RBFOX1: variants seen among roughly 807,000 people sequenced by gnomAD.
RBFOX1 encodes RNA binding protein fox-1 homolog 1.
A neutral mutation model predicts 57.7 loss-of-function variants in RBFOX1; 8 were observed. The ratio of observed to expected loss-of-function variants is 0.14; its 90% confidence interval spans 0.08 to 0.25. The LOEUF (loss-of-function observed/expected upper bound fraction) is 0.25, where lower values mean the gene tolerates loss of function less well. RBFOX1 is among the 10% of genes least tolerant of loss of function. RBFOX1 has a pLI of 1.00. For synonymous variants in RBFOX1, 326 were observed against 222.4 expected, an observed-to-expected ratio of 1.47 and a Z score of -4.15; for missense variants, 611 against 548.5, an observed-to-expected ratio of 1.11 and a Z score of -1.14.
chr16:5,455,377 C>A (rs909039287), intron 1 of RBFOX1, among the ~76,000 whole-genome samples: 6 of 152,068 alleles, frequency 3.9e-5, no homozygotes, highest in Non-Finnish European at 8.8e-5. Flanking sequence ...CGCCTAGTAT[C>A]ACTTATGCCA....
intron 4 of RBFOX1, among the ~76,000 whole-genome samples, chr16:7,467,676 A>G (rs2060775480): frequency 6.6e-6 from 1 of 152,206 alleles, no homozygotes; most frequent in South Asian, 2.1e-4. Context: ...ATAAGATTGT[A>G]TACCTACAGA....
At chr16:7,385,470 A>C (rs1378220748) in intron 4 of RBFOX1, among the ~76,000 whole-genome samples, 1 of 152,216 alleles carries the variant, frequency 6.6e-6, no homozygotes. Flanking sequence ...GGCTTGGGTG[A>C]ATGGTGCCAT....
rs986320384 is a variant in RBFOX1 at position 5,929,405 on chromosome 16, T to G, written c.351+62070T>G. ...AGAATCATGGTTCTGGAAAGAGAAT[T>G]GGGTTCAAATTCTAGCTATGTGACG... is the stretch of plus-strand genomic sequence containing the variant. On this transcript the variant is annotated intron_variant, in intron 4 of 19. Coordinates refer to the RBFOX1 transcript ENST00000641259. 4.6e-5 allele frequency among the ~76,000 whole-genome samples: 7 copies of G among 152,100 alleles called. No individual in the cohort carries two copies. In the South Asian group the frequency reaches 6.2e-4, roughly 14 times the overall value.
chr16:6,730,998 A>T (rs191237676), intron 3 of RBFOX1, among the ~76,000 whole-genome samples: 102 of 152,292 alleles, frequency 6.7e-4, no homozygotes, highest in African/African-American at 2.2e-3. Flanking sequence ...AGTATCATTG[A>T]TGTCAGAGAT....
At chr16:5,336,046 C>T (rs530999068) in intron 1 of RBFOX1, among the ~76,000 whole-genome samples, 1 of 152,120 alleles carries the variant, frequency 6.6e-6, no homozygotes, top group African/African-American at 2.4e-5. Flanking sequence ...GTGACTTCCT[C>T]AAGGTACCAT....
intron 4 of RBFOX1, among the ~76,000 whole-genome samples, chr16:7,146,241 A>C (rs1290631613): frequency 6.6e-6 from 1 of 152,164 alleles, no homozygotes; most frequent in Non-Finnish European, 1.5e-5. Flanking sequence ...CATATGCAGG[A>C]ACAGCAGATG....
chr16:6,224,974 G>C (rs113752785), intron 1 of RBFOX1, among the ~76,000 whole-genome samples: 28,176 of 143,516 alleles, frequency 0.2, 2,887 homozygotes, highest in Middle Eastern at 0.35. Flanking sequence ...AGCCAAGATT[G>C]TGCCATTACA....
intron 3 of RBFOX1, among the ~76,000 whole-genome samples, chr16:6,851,952 AT>A (rs2094093733): frequency 7.1e-6 from 1 of 141,162 alleles, no homozygotes; most frequent in East Asian, 2.1e-4. Context: ...TTTTTTTGAG[AT>A]GGAGGTTCGT....
rs140812190 is a variant in RBFOX1 at position 5,975,253 on chromosome 16, C to T, written c.351+107918C>T. On this transcript the variant is annotated intron_variant, in intron 4 of 19. Coordinates refer to the RBFOX1 transcript ENST00000641259. ...ATCGATCTCTACTTTCTAACTGCAT[C>T]GCTATCCTGCACGGGATCTGCCTCA... Among the ~76,000 whole-genome samples, 59 of 152,298 alleles carry T rather than the reference C, an allele frequency of 3.9e-4. No individual in the cohort carries two copies. The East Asian group carries it at 9.1e-3, about 23-fold the overall frequency.
At chr16:5,276,152 A>G (rs971610579) in intron 1 of RBFOX1, among the ~76,000 whole-genome samples, 3 of 152,266 alleles carry the variant, frequency 2.0e-5, no homozygotes, top group Non-Finnish European at 4.4e-5. Flanking sequence ...AGAACCCAAA[A>G]GCAAGTGCAA....
At chr16:7,380,834 G>T (rs535385430) in intron 4 of RBFOX1, among the ~76,000 whole-genome samples, 3 of 152,304 alleles carry the variant, frequency 2.0e-5, no homozygotes, top group East Asian at 3.9e-4. Context: ...AGAAGCAGGG[G>T]TCTTCTCCCT....
intron 2 of RBFOX1, among the ~76,000 whole-genome samples, chr16:6,549,075 CA>C (rs1364883967): frequency 8.2e-6 from 1 of 121,890 alleles, no homozygotes; most frequent in African/African-American, 3.1e-5. Flanking sequence ...ACTCTGTCCC[CA>C]AAAAAGGGAG....
intron 3 of RBFOX1, among the ~76,000 whole-genome samples, chr16:6,767,276 G>C (rs182672825): frequency 1.1e-3 from 160 of 152,088 alleles, no homozygotes; most frequent in African/African-American, 3.7e-3. Flanking sequence ...TCTCCAAGGA[G>C]ACTCAGTCTC....
At chr16:6,520,640 A>C (rs563230191) in intron 2 of RBFOX1, among the ~76,000 whole-genome samples, 1 of 152,180 alleles carries the variant, frequency 6.6e-6, no homozygotes, top group African/African-American at 2.4e-5. Flanking sequence ...GCTGAAGACT[A>C]TCTTTGAAAA....
chr16:6,970,257 T>A (rs193241761), intron 3 of RBFOX1, among the ~76,000 whole-genome samples: 13 of 152,206 alleles, frequency 8.5e-5, no homozygotes, highest in Admixed American at 4.6e-4. Context: ...CTTAACAGAA[T>A]AAGAAGGCAG....
intron 3 of RBFOX1, among the ~76,000 whole-genome samples, chr16:6,957,538 G>A (rs7200178): frequency 0.39 from 59,226 of 151,656 alleles, 12,076 homozygotes; most frequent in African/African-American, 0.52. Flanking sequence ...GTGTAGCAGT[G>A]GGGACGATCA....
chr16:6,209,358 T>C (rs528622545), intron 1 of RBFOX1, among the ~76,000 whole-genome samples: 1 of 152,026 alleles, frequency 6.6e-6, no homozygotes, highest in African/African-American at 2.4e-5. Context: ...TCAGGAGAGA[T>C]CCCTGCCCAC....
At chr16:5,990,590 T>C (rs1312342829) in intron 4 of RBFOX1, among the ~76,000 whole-genome samples, 1 of 152,174 alleles carries the variant, frequency 6.6e-6, no homozygotes, top group Non-Finnish European at 1.5e-5. Context: ...GACAAGCCCA[T>C]GGACTATAGC....
chr16:7,701,459 C>G (rs190220953), intron 14 of RBFOX1, among the ~76,000 whole-genome samples: 1 of 152,286 alleles, frequency 6.6e-6, no homozygotes, highest in Non-Finnish European at 1.5e-5. Context: ...ATCTAGGTTG[C>G]ACACTCCTTT....
Sources: gnomAD v4.1 joint callset for allele counts (sites outside exome capture counted in the v4.1 genomes callset) on GRCh38, gnomAD v4.1.1 for gene constraint, MANE v1.5 for transcripts, NCBI Gene and HGNC (gene_info 2026-07-23, HGNC 2026-07-21) for gene names.